HEATR4: variants seen among roughly 807,000 people sequenced by gnomAD.
HEATR4 encodes the protein HEAT repeat containing 4.
Under a neutral mutation model 108.8 loss-of-function variants are expected in HEATR4, and 95 were observed. The ratio of observed to expected loss-of-function variants is 0.87; its 90% CI spans 0.74 to 1.04. The LOEUF is 1.04. Among genes scored for constraint, HEATR4 ranks in the 50% least tolerant of loss-of-function variants. HEATR4 has a pLI of 0.00. For missense variants in HEATR4, 1,152 were observed against 1,253.8 expected (o/e 0.92, Z 1.23); for synonymous variants, 443 against 459.4 (o/e 0.96, Z 0.46).
the HEATR4 span, chr14:73,619,308 G>A: frequency 1.4e-5 from 23 of 1,613,164 alleles, no homozygotes; most frequent in Admixed American, 3.8e-4. Context: ...CTTCTTTCTT[G>A]AAGGGCATCA....
At chr14:73,569,841 G>T in the HEATR4 span, 2 of 1,604,706 alleles carry the variant, frequency 1.2e-6, no homozygotes, top group African/African-American at 2.7e-5. Flanking sequence ...GCGCGAGCCG[G>T]TGCGCGTGGG....
At position 73,495,388 on chromosome 14, in the gene HEATR4, C is replaced by G; in HGVS notation, c.2626-1G>C. 1 of 1,611,050 alleles carries G rather than the reference C, an allele frequency of 6.2e-7. No individual in the cohort carries two copies. The highest frequency in any genetic ancestry group is 8.5e-7 in the Non-Finnish European group (1 of 1,177,994). Reference sequence around the variant, plus strand: ...AGTCCTTTTGGCTTAGTGTTTTAATCTAAATTAGAACAAATAATGTTTGAA... The same window carrying G: ...AGTCCTTTTGGCTTAGTGTTTTAATGTAAATTAGAACAAATAATGTTTGAA... On this transcript the variant is annotated splice_acceptor_variant, in intron 15 of 17. Coordinates refer to ENST00000553558, the MANE Select transcript of HEATR4 (RefSeq NM_001220484.1). LOFTEE classifies it high-confidence loss of function.
rs1252560526 is a variant in HEATR4 at position 73,548,056 on chromosome 14, G to A, written c.-152+10695C>T. On this transcript the variant is annotated intron_variant, in intron 1 of 17. Transcript: ENST00000553558. Reference sequence around the variant, plus strand: ...CCATCCTCCCACTTCAGCCTCCTGAGTAGCTGAGACTATAGGCACTTGCCA... The same window carrying A: ...CCATCCTCCCACTTCAGCCTCCTGAATAGCTGAGACTATAGGCACTTGCCA... Among the ~76,000 whole-genome samples the A allele has an allele frequency of 2.6e-5, 3 of 114,756 alleles. 1 individual carries two copies. The highest frequency in any genetic ancestry group is 5.7e-5 in the Non-Finnish European group (3 of 52,668). 75.3% of individuals were successfully genotyped at this position (114,756 alleles called of 152,430 possible). A position where few individuals can be genotyped will look rare whatever the true frequency, so the allele number is the denominator to read the frequency against.
At position 73,520,957 on chromosome 14, in the gene HEATR4, TC is replaced by T; in HGVS notation, c.963del (p.Ser322AlafsTer14). The T allele has an allele frequency of 6.2e-7, 1 of 1,613,940 alleles. No homozygotes were observed. The highest frequency in any genetic ancestry group is 8.5e-7 in the Non-Finnish European group (1 of 1,179,994). On this transcript the variant is annotated frameshift_variant, in exon 4 of 18. Transcript: ENST00000553558. LOFTEE classifies it high-confidence loss of function. ...NKSTEDIHEK[T>X]SLSQPQTQSY... ...CTCTGGGTTTGGGGCTGGGAGAGGC[TC>T]GTCTTTTCATGGATATCCTCAGTGC...
the HEATR4 span, chr14:73,575,570 C>T: frequency 2.5e-5 from 38 of 1,546,144 alleles, no homozygotes; most frequent in Non-Finnish European, 3.3e-5. Context: ...ACATCTGCCA[C>T]ATTTAGTGTG....
chr14:73,496,658 C>T lies in HEATR4; in HGVS notation c.2568G>A (p.Lys856=). 6.3e-7 allele frequency: 1 copy of T among 1,586,980 alleles called. No homozygotes were observed. The highest frequency in any genetic ancestry group is 8.7e-7 in the Non-Finnish European group (1 of 1,155,480). ...TTCCTTCATTTCCTAAGTTGAGTAT[C>T]TTCATTGTCTGGTACATTTCTCTGA... The part of the protein sequence containing the change: ...AVLKEMYQTM[K]ILNLGNEGNQ... Residue 856 remains lysine, a synonymous_variant, in exon 15 of 18, where the codon AAG becomes AAA. Coordinates refer to ENST00000553558, the MANE Select transcript of HEATR4 (RefSeq NM_001220484.1).
At chr14:73,576,887 T>C in the HEATR4 span, among the ~76,000 whole-genome samples, 1 of 149,890 alleles carries the variant, frequency 6.7e-6, no homozygotes, top group African/African-American at 2.4e-5. Context: ...AAACCTTAGT[T>C]GTATTTAAAG....
Position 73,551,203 on chromosome 14 carries a change from T to C in HEATR4, c.-152+7548A>G, listed in dbSNP as rs181578863. Among the ~76,000 whole-genome samples, 7 of 112,440 alleles carry C rather than the reference T, an allele frequency of 6.2e-5. 3 individuals carry two copies. Among genetic ancestry groups the C allele is most frequent in the Admixed American group, 5.1e-4 (5 of 9,874 alleles). The allele number at this position is 112,440 out of a possible 152,430, so 73.8% of individuals were successfully genotyped here. A position where few individuals can be genotyped will look rare whatever the true frequency, so the allele number is the denominator to read the frequency against. On this transcript the variant is annotated intron_variant, in intron 1 of 17. Coordinates refer to ENST00000553558, the MANE Select transcript of HEATR4 (RefSeq NM_001220484.1). ...GAATGCAGTTTCCACCTCCTGAAAATTTAATCCCCTTTACCCCAACTAGTC... is the reference window on the plus strand; with the variant it reads ...GAATGCAGTTTCCACCTCCTGAAAACTTAATCCCCTTTACCCCAACTAGTC...
In HEATR4 at chr14:73,509,434, G is replaced by A. The variant is rs774175371; in HGVS notation, c.1598C>T (p.Ala533Val). Residue 533 changes from alanine to valine, a missense_variant, in exon 8 of 18, where the codon GCC (alanine) becomes GTC (valine). Transcript: ENST00000553558. ...IQDLPEVLLPALEAALCDKNA... is the reference protein window; with the variant it reads ...IQDLPEVLLPVLEAALCDKNA... ...CTTGTCACAAAGAGCAGCCTCTAGG[G>A]CAGGCAGTAGAACCTCCGGCAAGTC... 1 of 1,614,052 alleles carries A rather than the reference G, an allele frequency of 6.2e-7. No homozygotes were observed. Among genetic ancestry groups the A allele is most frequent in the Non-Finnish European group, 8.5e-7 (1 of 1,180,012 alleles).
At chr14:73,529,808 C>T (rs1888595263) in intron 2 of HEATR4, among the ~76,000 whole-genome samples, 1 of 151,574 alleles carries the variant, frequency 6.6e-6, no homozygotes, top group Admixed American at 6.6e-5. Context: ...AAAGAAAAGA[C>T]TAAAAAGCAA....
chr14:73,574,915 G>T, the HEATR4 span: 1 of 1,612,550 alleles, frequency 6.2e-7, no homozygotes, highest in Non-Finnish European at 8.5e-7. Context: ...CAGGTAAAAG[G>T]TCCAGGAGTT....
chr14:73,585,285 G>A, the HEATR4 span, among the ~76,000 whole-genome samples: 1 of 152,146 alleles, frequency 6.6e-6, no homozygotes, highest in Non-Finnish European at 1.5e-5. Flanking sequence ...CAGCACCAGG[G>A]CTGGTGCTCC....
chr14:73,552,617 C>T lies in HEATR4; in HGVS notation c.-152+6134G>A, dbSNP rs533971476. ...TTTTGAGACCCTACCAGCCCCCATT[C>T]CCACAATCCCCTGTGCCGACACAAA... On this transcript the variant is annotated intron_variant, in intron 1 of 17. Transcript: ENST00000553558. 6.8e-3 allele frequency among the ~76,000 whole-genome samples: 717 copies of T among 106,150 alleles called. 41 individuals carry two copies. The highest frequency in any genetic ancestry group is 0.026 in the African/African-American group (692 of 26,550). The allele number at this position is 106,150 out of a possible 152,430, so 69.6% of individuals were successfully genotyped here.
the HEATR4 span, chr14:73,592,269 G>T: frequency 6.2e-7 from 1 of 1,613,046 alleles, no homozygotes; most frequent in South Asian, 1.1e-5. Context: ...TCCTTTTGTC[G>T]TGGAGTTGGA....
the HEATR4 span, among the ~76,000 whole-genome samples, chr14:73,566,708 C>T: frequency 1.1e-4 from 17 of 152,244 alleles, no homozygotes; most frequent in East Asian, 1.9e-3. Context: ...TTCCCACTTG[C>T]GCCTCTCCCT....
At chr14:73,487,317 A>G (rs1211246965) in intron 17 of HEATR4, among the ~76,000 whole-genome samples, 4 of 152,028 alleles carry the variant, frequency 2.6e-5, no homozygotes, top group African/African-American at 9.7e-5. Context: ...CTGTAATCCC[A>G]GCACTTTGGG....
the HEATR4 span, among the ~76,000 whole-genome samples, chr14:73,570,971 A>T: frequency 2.3e-5 from 3 of 129,210 alleles, no homozygotes; most frequent in African/African-American, 8.6e-5. Context: ...TTGACTAGGA[A>T]GCCACTTTTT....
At chr14:73,623,202 C>T in the HEATR4 span, among the ~76,000 whole-genome samples, 4 of 152,268 alleles carry the variant, frequency 2.6e-5, no homozygotes, top group Non-Finnish European at 4.4e-5. Flanking sequence ...TGAGCCACCA[C>T]GCCTGGCCTT....
rs370564586 is a variant in HEATR4, at chr14:73,502,957, C to T, written c.2043G>A (p.Arg681=). The change falls in exon 11 of 18, where the codon AGG becomes AGA. Residue 681 remains arginine (R), a synonymous_variant. Transcript: ENST00000553558. ...GCCCAAGCGCCTGTGCAGCTGCTCT[C>T]CTCACTTCCTTATTCCAGTCATTCC... ...LMWNDWNKEV[R]RAAAQALGQM... is the part of the protein sequence containing the mutation. 1 of 1,614,090 alleles carries T rather than the reference C, an allele frequency of 6.2e-7. No individual in the cohort carries two copies. The highest frequency in any genetic ancestry group is 1.7e-5 in the Admixed American group (1 of 60,006).
Sources: allele counts gnomAD v4.1 joint callset (sites outside exome capture counted in the v4.1 genomes callset), GRCh38; gene constraint gnomAD v4.1.1; transcripts MANE v1.5; gene names NCBI Gene and HGNC (gene_info 2026-07-23, HGNC 2026-07-21).